Variants in ATP1B1 observed in about 807,000 individuals in gnomAD.
ATP1B1 encodes the protein ATPase Na+/K+ transporting subunit beta 1, also known as sodium/potassium-transporting ATPase subunit beta-1.
A neutral mutation model predicts 39.6 loss-of-function variants in ATP1B1; 3 were observed. The observed-to-expected ratio is 0.08, with a 90% CI of 0.03 to 0.20. ATP1B1 has a LOEUF of 0.20. Among genes scored for constraint, ATP1B1 ranks in the 10% least tolerant of loss-of-function variants. The probability of loss-of-function intolerance (pLI) is 1.00; values close to 1 mark genes in which losing one functional copy is unlikely to be tolerated. For missense variants in ATP1B1, 216 were observed against 371.1 expected (o/e 0.58, Z 3.43); for synonymous variants, 139 against 135.0 (o/e 1.03, Z -0.20).
rs1283161409 is a variant in ATP1B1 at position 169,131,260 on chromosome 1, C to T, written c.649-32C>T. 1 of 1,605,464 alleles carries T rather than the reference C, an allele frequency of 6.2e-7. No homozygotes were observed. The highest frequency in any genetic ancestry group is 8.5e-7 in the Non-Finnish European group (1 of 1,175,324). ...TACACATAGTGATGCATGATGTGAG[C>T]CATTAAAATTTCATTTCATTCTGGA... On this transcript the variant is annotated intron_variant, in intron 5 of 5. Transcript: ENST00000367815. This position sits in a 1 kb window ranked among gnomAD's most constrained non-coding sequence, Gnocchi z 4.4.
chr1:169,120,085 CAGG>C (rs889794480), intron 2 of ATP1B1, among the ~76,000 whole-genome samples: 3 of 152,044 alleles, frequency 2.0e-5, no homozygotes, highest in African/African-American at 7.2e-5. Context: ...TGGTAATTTC[CAGG>C]AGAAGTTCTC....
intron 2 of ATP1B1, among the ~76,000 whole-genome samples, chr1:169,120,737 T>C (rs1019982588): frequency 6.6e-6 from 1 of 152,228 alleles, no homozygotes; most frequent in Non-Finnish European, 1.5e-5. Context: ...GAGCTATGCT[T>C]ACTGAAAAAT....
At chr1:169,113,988 G>GACAT (rs1335931742) in intron 2 of ATP1B1, among the ~76,000 whole-genome samples, 5 of 151,870 alleles carry the variant, frequency 3.3e-5, no homozygotes, top group Non-Finnish European at 1.5e-5. Flanking sequence ...TTTACCAAGG[G>GACAT]ACATGACATT....
At position 169,111,513 on chromosome 1, in the gene ATP1B1, AATAGCTTCATTTCCTTC is replaced by A. The variant is rs764703198; in HGVS notation, c.226+17_226+33del. The stretch of plus-strand genomic sequence containing the variant: ...GGCCCCGCCAGGTAAAATCCACATG[AATAGCTTCATTTCCTTC>A]AGAGATAGCATGGGTGTCACTTTTT... On this transcript the variant is annotated intron_variant, in intron 2 of 5. Coordinates refer to ENST00000367815, the MANE Select transcript of ATP1B1 (RefSeq NM_001677.4). 6.2e-7 allele frequency: 1 copy of A among 1,611,616 alleles called. No homozygotes were observed. Among genetic ancestry groups the A allele is most frequent in the South Asian group, 1.1e-5 (1 of 90,506 alleles).
At chr1:169,125,472 G>C (rs1208951645) in intron 3 of ATP1B1, among the ~76,000 whole-genome samples, 1 of 152,176 alleles carries the variant, frequency 6.6e-6, no homozygotes, top group African/African-American at 2.4e-5. Context: ...CATGAAGGAG[G>C]ATGTATGGTC....
chr1:169,116,880 CAAAA>C (rs769646995), intron 2 of ATP1B1, among the ~76,000 whole-genome samples: 21 of 151,056 alleles, frequency 1.4e-4, no homozygotes, highest in South Asian at 4.2e-4. Flanking sequence ...ACAAAACAAA[CAAAA>C]AACCCATTAG....
chr1:169,107,641 G>A (rs367620059), intron 1 of ATP1B1, among the ~76,000 whole-genome samples: 1 of 152,134 alleles, frequency 6.6e-6, no homozygotes, highest in Non-Finnish European at 1.5e-5. Flanking sequence ...ATGGTGAAGG[G>A]AATATAAACG....
chr1:169,109,811 TACGATAG>T (rs1302462265), intron 1 of ATP1B1, among the ~76,000 whole-genome samples: 4 of 152,034 alleles, frequency 2.6e-5, no homozygotes, highest in Non-Finnish European at 5.9e-5. Context: ...GAATCAGGGC[TACGATAG>T]CTGCCTTGCT....
intron 3 of ATP1B1, among the ~76,000 whole-genome samples, chr1:169,126,290 C>T (rs541474181): frequency 5.9e-5 from 9 of 152,208 alleles, no homozygotes; most frequent in South Asian, 2.1e-4. Context: ...TCAGACTCTT[C>T]GCTATTTGAA....
At chr1:169,129,711 G>C (rs1658164744) in intron 4 of ATP1B1, among the ~76,000 whole-genome samples, 1 of 152,216 alleles carries the variant, frequency 6.6e-6, no homozygotes, top group East Asian at 1.9e-4. Context: ...TTAGTTTTCA[G>C]TGTCTTTAAG....
At chr1:169,124,350 G>C (rs1658045563) in intron 2 of ATP1B1, among the ~76,000 whole-genome samples, 1 of 152,196 alleles carries the variant, frequency 6.6e-6, no homozygotes, top group South Asian at 2.1e-4. Context: ...TCTTGGTTAG[G>C]TAGGCTTGAG....
At chr1:169,127,083 C>G (rs1658102823) in intron 3 of ATP1B1, 141 bp from the exon 4 acceptor site, 1 of 868,550 alleles carries the variant, frequency 1.2e-6, no homozygotes, top group African/African-American at 1.8e-5. Flanking sequence ...TCCTGGAGAT[C>G]TTGCTTAATT....
chr1:169,124,034 C>A (rs1658039228), intron 2 of ATP1B1, among the ~76,000 whole-genome samples: 1 of 152,138 alleles, frequency 6.6e-6, no homozygotes, highest in African/African-American at 2.4e-5. Context: ...TCAAATGTAA[C>A]CAGGCATCTT....
At chr1:169,108,381 GTA>G (rs1488690085) in intron 1 of ATP1B1, among the ~76,000 whole-genome samples, 1 of 152,174 alleles carries the variant, frequency 6.6e-6, no homozygotes, top group East Asian at 1.9e-4. Context: ...TGGGGTGTGT[GTA>G]GAATGAACAG....
At chr1:169,119,163 GC>G (rs930934994) in intron 2 of ATP1B1, among the ~76,000 whole-genome samples, 2 of 152,186 alleles carry the variant, frequency 1.3e-5, no homozygotes, top group Non-Finnish European at 2.9e-5. Context: ...TCTTTGAAAA[GC>G]AAGTGGGAAG....
At chr1:169,109,058 C>T (rs547064012) in intron 1 of ATP1B1, among the ~76,000 whole-genome samples, 159 of 152,276 alleles carry the variant, frequency 1.0e-3, no homozygotes, top group African/African-American at 3.4e-3. Flanking sequence ...AGATTTTCAC[C>T]AAGATGGACG....
At chr1:169,111,150 A>G (rs1290066847) in intron 1 of ATP1B1, among the ~76,000 whole-genome samples, 1 of 152,040 alleles carries the variant, frequency 6.6e-6, no homozygotes, top group African/African-American at 2.4e-5. Context: ...CATTCCTCCT[A>G]CCCTTAACCA....
At chr1:169,129,035 T>C (rs1658146731) in intron 4 of ATP1B1, among the ~76,000 whole-genome samples, 1 of 152,194 alleles carries the variant, frequency 6.6e-6, no homozygotes, top group African/African-American at 2.4e-5. Flanking sequence ...GGAGGATAGA[T>C]TCTGGCAACT....
intron 2 of ATP1B1, among the ~76,000 whole-genome samples, chr1:169,114,778 C>CTT (rs1657804908): frequency 6.6e-6 from 1 of 152,078 alleles, no homozygotes; most frequent in African/African-American, 2.4e-5. Context: ...AATCCCAGCA[C>CTT]TTTGAGAGAC....
Sources: gnomAD v4.1 joint callset for allele counts (sites outside exome capture counted in the v4.1 genomes callset) on GRCh38, gnomAD v4.1.1 for gene constraint, Gnocchi (gnomAD v3.1) non-coding constraint, MANE v1.5 for transcripts, NCBI Gene and HGNC (gene_info 2026-07-23, HGNC 2026-07-21) for gene names.